The following SGCD variants were observed in gnomAD, a reference collection of about 807,000 sequenced individuals.
SGCD encodes the protein sarcoglycan delta.
In SGCD, 18 loss-of-function variants were observed where a neutral mutation model predicts 36.6. The ratio of observed to expected loss-of-function variants is 0.49; its 90% CI spans 0.34 to 0.73. The LOEUF is 0.73. Among genes scored for constraint, SGCD ranks in the 30% least tolerant of loss-of-function variants. SGCD has a pLI of 0.01. For missense variants in SGCD, 387 were observed against 346.7 expected, an observed-to-expected ratio of 1.12 and a Z score of -0.92; for synonymous variants, 133 against 130.6, an observed-to-expected ratio of 1.02 and a Z score of -0.12.
intron 4 of SGCD, among the ~76,000 whole-genome samples, chr5:156,535,184 C>G (rs1758055121): frequency 6.6e-6 from 1 of 152,140 alleles, no homozygotes; most frequent in African/African-American, 2.4e-5. Context: ...ATATCACACA[C>G]CAATGTTAGC....
the SGCD span, among the ~76,000 whole-genome samples, chr5:155,735,211 T>G: frequency 6.6e-6 from 1 of 152,234 alleles, no homozygotes; most frequent in African/African-American, 2.4e-5. Flanking sequence ...GAGGCTCCAG[T>G]TCTTCACATA....
chr5:156,336,853 T>G (rs1400392046), intron 2 of SGCD, among the ~76,000 whole-genome samples: 1 of 152,242 alleles, frequency 6.6e-6, no homozygotes, highest in Non-Finnish European at 1.5e-5. Flanking sequence ...TTTCAACACT[T>G]TGGTATTACA....
chr5:156,383,536 T>C (rs74387800), intron 3 of SGCD, among the ~76,000 whole-genome samples: 1 of 151,684 alleles, frequency 6.6e-6, no homozygotes, highest in Non-Finnish European at 1.5e-5. Flanking sequence ...GAAAAAAAAA[T>C]AGGACATTTA....
chr5:156,638,237 G>GT (rs1229079445), intron 6 of SGCD, among the ~76,000 whole-genome samples: 2 of 151,864 alleles, frequency 1.3e-5, no homozygotes, highest in African/African-American at 4.8e-5. Flanking sequence ...AGGACACAGC[G>GT]TATCATGGCT....
intron 3 of SGCD, among the ~76,000 whole-genome samples, chr5:156,377,330 C>T (rs1770724022): frequency 6.6e-6 from 1 of 152,024 alleles, no homozygotes; most frequent in Non-Finnish European, 1.5e-5. Flanking sequence ...TAATGGATGC[C>T]CAACTCCCAT....
chr5:156,073,200 G>C (rs117967084), intron 1 of SGCD, among the ~76,000 whole-genome samples: 1 of 151,986 alleles, frequency 6.6e-6, no homozygotes, highest in Admixed American at 6.6e-5. Context: ...ATGACACGAC[G>C]GAGTAGATGC....
At chr5:156,123,882 G>T (rs1413889980) in exon 3 of SGCD, 3 of 152,116 alleles carry the variant, frequency 2.0e-5, no homozygotes, top group Non-Finnish European at 4.4e-5. Flanking sequence ...CATCCTCAGG[G>T]ATTTGAAGAA....
At chr5:156,529,043 A>G (rs1172104911) in intron 4 of SGCD, among the ~76,000 whole-genome samples, 2 of 152,148 alleles carry the variant, frequency 1.3e-5, no homozygotes, top group East Asian at 3.9e-4. Flanking sequence ...TAGTAGTAAG[A>G]AGATTCCTAC....
chr5:155,891,665 C>T (rs1756134753), intron 1 of SGCD, among the ~76,000 whole-genome samples: 1 of 138,986 alleles, frequency 7.2e-6, no homozygotes, highest in Non-Finnish European at 1.5e-5. Context: ...GGCTTGGGTG[C>T]TCTGGCCTGC....
At chr5:155,924,469 A>T (rs528892331) in intron 1 of SGCD, among the ~76,000 whole-genome samples, 2 of 152,338 alleles carry the variant, frequency 1.3e-5, no homozygotes, top group East Asian at 3.9e-4. Context: ...AGAGAGCCCC[A>T]TGGAAGGAAA....
At chr5:156,238,532 A>G (rs1378328763) in intron 3 of SGCD, among the ~76,000 whole-genome samples, 2 of 152,222 alleles carry the variant, frequency 1.3e-5, no homozygotes, top group African/African-American at 2.4e-5. Context: ...TAAGGCCAAG[A>G]ATAGACTTTA....
chr5:155,933,140 T>G (rs1052974767), intron 1 of SGCD, among the ~76,000 whole-genome samples: 1 of 152,194 alleles, frequency 6.6e-6, no homozygotes, highest in Non-Finnish European at 1.5e-5. Context: ...ACTTTAGTTT[T>G]TTATCCCTCT....
At chr5:155,839,642 A>G in the SGCD span, among the ~76,000 whole-genome samples, 1 of 152,146 alleles carries the variant, frequency 6.6e-6, no homozygotes, top group Non-Finnish European at 1.5e-5. Flanking sequence ...GAATTTATTC[A>G]ATTATTTATT....
intron 6 of SGCD, among the ~76,000 whole-genome samples, chr5:156,610,829 G>A (rs1761763995): frequency 6.6e-6 from 1 of 152,344 alleles, no homozygotes; most frequent in East Asian, 1.9e-4. Flanking sequence ...GTGGGCGTAG[G>A]ACCCTCCAGG....
At chr5:155,996,004 AAAAG>A (rs1038903816) in intron 1 of SGCD, among the ~76,000 whole-genome samples, 1 of 147,696 alleles carries the variant, frequency 6.8e-6, no homozygotes. Context: ...AAAAAAAAAA[AAAAG>A]AACTTACAAA....
chr5:156,070,176 G>C (rs1760497742), intron 1 of SGCD, among the ~76,000 whole-genome samples: 1 of 149,446 alleles, frequency 6.7e-6, no homozygotes. Flanking sequence ...TGTTGAATAG[G>C]AGCGGTGAGA....
intron 1 of SGCD, among the ~76,000 whole-genome samples, chr5:156,074,877 GAAGAAA>G (rs1483333949): frequency 6.6e-6 from 1 of 152,150 alleles, no homozygotes; most frequent in African/African-American, 2.4e-5. Flanking sequence ...CCATATTCAT[GAAGAAA>G]TAGGTCAAAA....
At chr5:156,335,352 C>T (rs1030299365) in intron 2 of SGCD, among the ~76,000 whole-genome samples, 1 of 152,178 alleles carries the variant, frequency 6.6e-6, no homozygotes, top group African/African-American at 2.4e-5. Context: ...TGTACAGATA[C>T]ACTTTGACCT....
At chr5:156,138,341 C>T (rs1013737752) in intron 3 of SGCD, among the ~76,000 whole-genome samples, 2 of 152,190 alleles carry the variant, frequency 1.3e-5, no homozygotes, top group African/African-American at 2.4e-5. Context: ...GCAGAGGTTG[C>T]GGTGAGCTGA....
Sources: allele counts gnomAD v4.1 joint callset (sites outside exome capture counted in the v4.1 genomes callset), GRCh38; gene constraint gnomAD v4.1.1; transcripts MANE v1.5; gene names NCBI Gene and HGNC (gene_info 2026-07-23, HGNC 2026-07-21).